Variants in PIP4K2A observed in about 807,000 individuals in gnomAD.
The protein encoded by PIP4K2A is phosphatidylinositol-5-phosphate 4-kinase type 2 alpha.
Under a neutral mutation model 42.9 loss-of-function variants are expected in PIP4K2A, and 14 were observed. The ratio of observed to expected loss-of-function variants is 0.33; its 90% CI spans 0.22 to 0.51. The LOEUF is 0.51. Ranked by LOEUF, PIP4K2A falls within the 20% of genes least tolerant of loss-of-function variation. The probability of loss-of-function intolerance (pLI) is 0.97; values close to 1 mark genes in which losing one functional copy is unlikely to be tolerated. For missense variants in PIP4K2A, 434 were observed against 519.8 expected, an observed-to-expected ratio of 0.83 and a Z score of 1.61; for synonymous variants, 192 against 192.2, an observed-to-expected ratio of 1.00 and a Z score of 0.01.
chr10:22,560,792 A>C (rs1020305596), intron 6 of PIP4K2A, among the ~76,000 whole-genome samples: 1 of 152,214 alleles, frequency 6.6e-6, no homozygotes, highest in African/African-American at 2.4e-5. Context: ...TTTTGAGAAG[A>C]ACTGTGCAGG....
Position 22,592,328 on chromosome 10 carries a change from A to G in PIP4K2A, c.340-547T>C, listed in dbSNP as rs182194672. On this transcript the variant is annotated intron_variant, in intron 3 of 9. Transcript: ENST00000376573. ...GCATATAGCTAATAAGGGAAGAGCT[A>G]GAATTCTGACTCCAGTGTGGCTGGC... 2.3e-4 allele frequency among the ~76,000 whole-genome samples: 35 copies of G among 152,356 alleles called. 2 individuals carry two copies. In the East Asian group the frequency reaches 6.7e-3, roughly 29 times the overall value.
At chr10:22,622,700 C>A (rs547606281) in intron 1 of PIP4K2A, among the ~76,000 whole-genome samples, 1 of 152,218 alleles carries the variant, frequency 6.6e-6, no homozygotes, top group Non-Finnish European at 1.5e-5. Context: ...TCCAGCACCT[C>A]GTTCTAAAAC....
intron 5 of PIP4K2A, among the ~76,000 whole-genome samples, chr10:22,568,433 C>G (rs1290527195): frequency 3.3e-5 from 5 of 152,200 alleles, no homozygotes; most frequent in Non-Finnish European, 4.4e-5. Context: ...AACACTCTTT[C>G]CTTGCTTGCT....
rs560648521 is a variant in PIP4K2A, at chr10:22,709,376, G to A, written c.144+4807C>T. ...CAAGTGACTAAATCACCTGCTCAAA[G>A]AGCCCATCAGTTCCAAAGTTAGCAT... On this transcript the variant is annotated intron_variant, in intron 1 of 9. Coordinates refer to ENST00000376573, the MANE Select transcript of PIP4K2A (RefSeq NM_005028.5). Among the ~76,000 whole-genome samples the A allele has an allele frequency of 5.3e-5, 8 of 152,270 alleles. No homozygotes were observed. In the East Asian group the frequency reaches 1.3e-3, roughly 26 times the overall value.
chr10:22,638,007 G>A (rs1838704768), intron 1 of PIP4K2A, among the ~76,000 whole-genome samples: 2 of 152,180 alleles, frequency 1.3e-5, no homozygotes, highest in African/African-American at 4.8e-5. Context: ...TGGAGATACT[G>A]AGTGCCGCAA....
intron 1 of PIP4K2A, among the ~76,000 whole-genome samples, chr10:22,703,558 T>C (rs1483317700): frequency 6.6e-6 from 1 of 152,280 alleles, no homozygotes; most frequent in Non-Finnish European, 1.5e-5. Flanking sequence ...GAGGGTGTTA[T>C]GGGATGAGGG....
rs1038016066 is a variant in PIP4K2A, at chr10:22,683,580, T to C, written c.144+30603A>G. 2.0e-5 allele frequency among the ~76,000 whole-genome samples: 3 copies of C among 152,328 alleles called. 1 individual carries two copies. Among genetic ancestry groups the C allele is most frequent in the Admixed American group, 2.0e-4 (3 of 15,294 alleles). On this transcript the variant is annotated intron_variant, in intron 1 of 9. Coordinates refer to ENST00000376573, the MANE Select transcript of PIP4K2A (RefSeq NM_005028.5). ...ACAAAGGTGAAACTGCTTTGTCAAC[T>C]GTCGAAAACAAGTTATTTTCTTCTT...
intron 7 of PIP4K2A, among the ~76,000 whole-genome samples, chr10:22,544,704 C>G (rs1836217281): frequency 6.6e-6 from 1 of 152,244 alleles, no homozygotes; most frequent in African/African-American, 2.4e-5. Flanking sequence ...CCATCCTGTT[C>G]TGCTTAACAC....
intron 1 of PIP4K2A, among the ~76,000 whole-genome samples, chr10:22,664,118 T>TATATATATAC (rs1564459997): frequency 9.7e-4 from 57 of 58,544 alleles, no homozygotes; most frequent in African/African-American, 1.8e-3. Flanking sequence ...TATATATACA[T>TATATATATAC]ATATATATAT....
At chr10:22,549,888 A>G (rs1038974658) in intron 7 of PIP4K2A, among the ~76,000 whole-genome samples, 7 of 145,334 alleles carry the variant, frequency 4.8e-5, no homozygotes, top group Non-Finnish European at 9.1e-5. Context: ...AGGAAAGAAA[A>G]TAACCTTTTT....
chr10:22,705,426 TAAAAAAAAAAAAAAAAAA>T (rs150254345), intron 1 of PIP4K2A, among the ~76,000 whole-genome samples: 46 of 29,272 alleles, frequency 1.6e-3, no homozygotes, highest in Middle Eastern at 0.042. Context: ...GTACCCCAGT[TAAAAAAAAAAAAAAAAAA>T]AAAAAAAAAA....
chr10:22,615,405 T>A (rs1337620038), intron 1 of PIP4K2A, among the ~76,000 whole-genome samples: 1 of 152,208 alleles, frequency 6.6e-6, no homozygotes, highest in African/African-American at 2.4e-5. Context: ...CAGTATTTTT[T>A]ATACAAAGAA....
intron 3 of PIP4K2A, among the ~76,000 whole-genome samples, chr10:22,603,591 A>G (rs1837842888): frequency 6.6e-6 from 1 of 152,202 alleles, no homozygotes; most frequent in Admixed American, 6.5e-5. Flanking sequence ...CTGGTATGCA[A>G]TAGTTTTTAA....
chr10:22,636,588 T>A (rs1838668716), intron 1 of PIP4K2A, among the ~76,000 whole-genome samples: 2 of 152,208 alleles, frequency 1.3e-5, no homozygotes, highest in African/African-American at 4.8e-5. Flanking sequence ...ACTCACCTCA[T>A]TCGCTGTAGG....
intron 1 of PIP4K2A, among the ~76,000 whole-genome samples, chr10:22,640,669 C>G (rs1838763578): frequency 6.6e-6 from 1 of 152,210 alleles, no homozygotes; most frequent in South Asian, 2.1e-4. Flanking sequence ...ATCCAGGCTT[C>G]TCACTGGATC....
chr10:22,687,468 T>C (rs1839787788), intron 1 of PIP4K2A, among the ~76,000 whole-genome samples: 1 of 152,044 alleles, frequency 6.6e-6, no homozygotes. Context: ...TGTATTAACA[T>C]GAGGCCTAGA....
intron 4 of PIP4K2A, among the ~76,000 whole-genome samples, chr10:22,580,903 TA>T (rs754547871): frequency 2.6e-5 from 4 of 152,232 alleles, no homozygotes; most frequent in Non-Finnish European, 5.9e-5. Flanking sequence ...TGCAGTGCTC[TA>T]ATGCGGCCCG....
At chr10:22,667,131 C>T (rs1260743298) in intron 1 of PIP4K2A, among the ~76,000 whole-genome samples, 1 of 152,126 alleles carries the variant, frequency 6.6e-6, no homozygotes, top group Non-Finnish European at 1.5e-5. Context: ...AAAATATTTG[C>T]CCTGATCATG....
chr10:22,660,220 T>G (rs1203018131), intron 1 of PIP4K2A, among the ~76,000 whole-genome samples: 1 of 152,048 alleles, frequency 6.6e-6, no homozygotes, highest in Non-Finnish European at 1.5e-5. Context: ...CCTGTAATCC[T>G]AGCACTTTGG....
Sources: allele counts gnomAD v4.1 joint callset (sites outside exome capture counted in the v4.1 genomes callset), GRCh38; gene constraint gnomAD v4.1.1; transcripts MANE v1.5; gene names NCBI Gene and HGNC (gene_info 2026-07-23, HGNC 2026-07-21).